Variants in FER1L5 observed in about 807,000 individuals in gnomAD.
FER1L5 encodes the protein fer-1-like protein 5.
In FER1L5, 187 loss-of-function variants were observed where a neutral mutation model predicts 279.9. The observed-to-expected ratio is 0.67, with a 90% confidence interval of 0.59 to 0.75. FER1L5 has a LOEUF of 0.75. Ranked by LOEUF, FER1L5 falls within the 30% of genes least tolerant of loss-of-function variation. The pLI, the probability that FER1L5 is intolerant of heterozygous loss-of-function variation, is 0.00. For missense variants in FER1L5, 2,091 were observed against 2,594.4 expected (o/e 0.81, Z 4.21); for synonymous variants, 921 against 989.7 (o/e 0.93, Z 1.30).
At chr2:96,695,981 C>T (rs2077361875) in intron 36 of FER1L5, 71 bp from the exon 37 acceptor site, 4 of 1,605,278 alleles carry the variant, frequency 2.5e-6, no homozygotes, top group African/African-American at 1.3e-5. Context: ...CCCTGCTACC[C>T]CGTGGGGTTG....
chr2:96,675,001 T>C (rs1373206355), intron 19 of FER1L5, among the ~76,000 whole-genome samples: 1 of 152,214 alleles, frequency 6.6e-6, no homozygotes, highest in African/African-American at 2.4e-5. Context: ...TCTTCACCTG[T>C]GAATGAAATC....
intron 9 of FER1L5, among the ~76,000 whole-genome samples, chr2:96,658,627 A>G (rs1420209846): frequency 6.6e-6 from 1 of 152,180 alleles, no homozygotes; most frequent in African/African-American, 2.4e-5. Flanking sequence ...GCCACTGTAC[A>G]TGCCCACCAG....
chr2:96,668,938 C>T lies in FER1L5; in HGVS notation c.1237C>T (p.Gln413Ter). 2 of 1,551,626 alleles carry T rather than the reference C, an allele frequency of 1.3e-6. No homozygotes were observed. The highest frequency in any genetic ancestry group is 1.7e-6 in the Non-Finnish European group (2 of 1,146,950). Residue 413 changes from glutamine (Q) to a stop codon, truncating the protein, a stop_gained, in exon 16 of 53, where the codon CAG becomes TAG. Transcript: ENST00000624922. LOFTEE classifies it high-confidence loss of function. Reference protein sequence around the residue: ...EIGTASLSLNQISSTGEEIEG... With the variant: ...EIGTASLSLN ...TGGGACTGCCAGCCTGTCCCTCAAC[C>T]AGATCTCGTCCACCGGAGAAGAGAT...
chr2:96,698,586 A>G lies in FER1L5; in HGVS notation c.4357-85A>G. On this transcript the variant is annotated intron_variant, in intron 40 of 52. Transcript: ENST00000624922. This position sits in a 1 kb window ranked among gnomAD's most constrained non-coding sequence, Gnocchi z 5.5. ...CCTCAGCCCAACCCTCTCTCTCCTGAACATGGGCTGGGGCACCTCCCAGAG... is the reference window on the plus strand; with the variant it reads ...CCTCAGCCCAACCCTCTCTCTCCTGGACATGGGCTGGGGCACCTCCCAGAG... 1 of 1,186,724 alleles carries G rather than the reference A, an allele frequency of 8.4e-7. No homozygotes were observed. The highest frequency in any genetic ancestry group is 1.2e-6 in the Non-Finnish European group (1 of 833,864). 73.5% of individuals were successfully genotyped at this position (1,186,724 alleles called of 1,614,324 possible).
rs1367170372 is a variant in FER1L5, at chr2:96,691,924, C to T, written c.3175C>T (p.Arg1059Trp). 19 of 1,550,712 alleles carry T rather than the reference C, an allele frequency of 1.2e-5. No individual in the cohort carries two copies. The highest frequency in any genetic ancestry group is 9.8e-5 in the East Asian group (4 of 40,892). ...QFRDPQRQDT[R>W]PPNLPFIYCT... The stretch of plus-strand genomic sequence containing the variant: ...CAGGGACCCCCAGAGGCAGGACACC[C>T]GGCCCCCCAACTTGCCCTTCATCTA... The change falls in exon 30 of 53, where the codon CGG becomes TGG. Residue 1059 changes from arginine (R) to tryptophan (W), a missense_variant. Transcript: ENST00000624922. The surrounding 1 kb of genome is among the most constrained non-coding windows in gnomAD (Gnocchi z 6.0).
chr2:96,661,843 G>T, intron 12 of FER1L5, 52 bp downstream of exon 12: 2 of 1,547,434 alleles, frequency 1.3e-6, no homozygotes, highest in Non-Finnish European at 1.7e-6. Context: ...CCTACACGGT[G>T]ATACCCTGGA....
intron 9 of FER1L5, among the ~76,000 whole-genome samples, chr2:96,659,428 T>TCGACAGAGTCTCG (rs1250121476): frequency 7.0e-5 from 1 of 14,330 alleles, no homozygotes; most frequent in East Asian, 1.6e-3. Flanking sequence ...TTTCTTTCTT[T>TCGACAGAGTCTCG]CTTTCTTTCT....
chr2:96,694,078 G>A lies in FER1L5; in HGVS notation c.3636+6G>A. Reference sequence around the variant, plus strand: ...AGCTGATCCTCCAGACTGAGGTATTGGGAGAGAGGGCCTGGCTGGGAAGTG... The same window carrying A: ...AGCTGATCCTCCAGACTGAGGTATTAGGAGAGAGGGCCTGGCTGGGAAGTG... On this transcript the variant is annotated splice_donor_region_variant and intron_variant, in intron 33 of 52. Transcript: ENST00000624922. This position sits in a 1 kb window ranked among gnomAD's most constrained non-coding sequence, Gnocchi z 4.6. The A allele has an allele frequency of 6.5e-7, 1 of 1,538,410 alleles. No individual in the cohort carries two copies. Among genetic ancestry groups the A allele is most frequent in the South Asian group, 1.2e-5 (1 of 83,674 alleles).
At chr2:96,659,531 G>A (rs1033674922) in intron 9 of FER1L5, among the ~76,000 whole-genome samples, 44 of 131,134 alleles carry the variant, frequency 3.4e-4, no homozygotes, top group Non-Finnish European at 4.8e-4. Context: ...TCGCTCTGTC[G>A]CCCAGGCTGG....
chr2:96,687,903 C>G lies in FER1L5; in HGVS notation c.2317C>G (p.Leu773Val), dbSNP rs2076991361. 2 of 1,551,000 alleles carry G rather than the reference C, an allele frequency of 1.3e-6. No homozygotes were observed. The highest frequency in any genetic ancestry group is 2.7e-5 in the African/African-American group (2 of 73,056). Residue 773 changes from leucine to valine, a missense_variant, in exon 24 of 53, where the codon CTG becomes GTG. Leu to Val is a conservative substitution (Grantham distance 32). Transcript: ENST00000624922. ...WLGNVTDSKD[L>V]QLLRQGDTAV... ...TGGCAATGTCACAGACAGCAAGGAC[C>G]TGCAGCTGCTCCGCCAGGGTGACAC...
At position 96,702,850 on chromosome 2, in the gene FER1L5, G is replaced by C; in HGVS notation, c.5397+109G>C. ...GCTTGCAATCTGTCCCAGAACATCAGAAACATGTCCTCAGGTGGAAACCCT... is the reference window on the plus strand; with the variant it reads ...GCTTGCAATCTGTCCCAGAACATCACAAACATGTCCTCAGGTGGAAACCCT... On this transcript the variant is annotated intron_variant, in intron 48 of 52. Coordinates refer to ENST00000624922, the MANE Select transcript of FER1L5 (RefSeq NM_001293083.2). This position sits in a 1 kb window ranked among gnomAD's most constrained non-coding sequence, Gnocchi z 4.0. 6.5e-7 allele frequency: 1 copy of C among 1,539,182 alleles called. No individual in the cohort carries two copies. Among genetic ancestry groups the C allele is most frequent in the Non-Finnish European group, 8.8e-7 (1 of 1,138,692 alleles).
intron 14 of FER1L5, among the ~76,000 whole-genome samples, chr2:96,664,113 A>C (rs1194772659): frequency 6.6e-6 from 1 of 151,498 alleles, no homozygotes; most frequent in Non-Finnish European, 1.5e-5. Flanking sequence ...ACTCAGTCTC[A>C]GGAAAATATA....
chr2:96,669,287 C>T (rs1055279923), intron 17 of FER1L5, 150 bp downstream of exon 17: 7 of 725,380 alleles, frequency 9.7e-6, no homozygotes, highest in African/African-American at 7.1e-5. Context: ...TGAGCAGCCA[C>T]GTGCATGTGG....
chr2:96,652,367 C>T, intron 7 of FER1L5: 1 of 289,664 alleles, frequency 3.5e-6, no homozygotes, highest in Non-Finnish European at 6.8e-6. Context: ...AATTGTAGCA[C>T]TGTGCCTGAT....
Position 96,685,954 on chromosome 2 carries a change from G to A in FER1L5, c.1910G>A (p.Cys637Tyr), listed in dbSNP as rs2076908197. The change falls in exon 22 of 53, where the codon TGC (cysteine) becomes TAC (tyrosine). Residue 637 changes from cysteine to tyrosine, a missense_variant. Cys to Tyr is a radical substitution (Grantham distance 194). Transcript: ENST00000624922. ...CCTGGCCACAGGCGCCCTCTGCCCT[G>A]CATGACCTATCAGCCCAAAGCCACC... ...LAEDCKRPLPCMTYQPKATSL... is the reference protein window; with the variant it reads ...LAEDCKRPLPYMTYQPKATSL... The A allele has an allele frequency of 3.9e-6, 6 of 1,545,314 alleles. No homozygotes were observed. Among genetic ancestry groups the A allele is most frequent in the Non-Finnish European group, 5.2e-6 (6 of 1,143,834 alleles).
chr2:96,703,976 C>G (rs552916067), intron 51 of FER1L5, among the ~76,000 whole-genome samples: 2 of 151,902 alleles, frequency 1.3e-5, no homozygotes, highest in South Asian at 4.2e-4. Context: ...CCACCATGCC[C>G]GGCTAATTTT....
intron 9 of FER1L5, among the ~76,000 whole-genome samples, chr2:96,659,424 T>C (rs1297912317): frequency 0.018 from 195 of 10,630 alleles, no homozygotes; most frequent in Non-Finnish European, 0.025. Context: ...TTTCTTTCTT[T>C]CTTTCTTTCT....
chr2:96,694,123 C>G lies in FER1L5; in HGVS notation c.3636+51C>G. 6.7e-7 allele frequency: 1 copy of G among 1,496,706 alleles called. No individual in the cohort carries two copies. The highest frequency in any genetic ancestry group is 8.9e-7 in the Non-Finnish European group (1 of 1,125,686). 92.7% of individuals were successfully genotyped at this position (1,496,706 alleles called of 1,614,324 possible). ...GAAGTGTGGCACTCAGTGCCCCTCC[C>G]CGTCCCACCCCCAGCCAGCGGGGGC... On this transcript the variant is annotated intron_variant, in intron 33 of 52. Coordinates refer to ENST00000624922, the MANE Select transcript of FER1L5 (RefSeq NM_001293083.2). This position sits in a 1 kb window ranked among gnomAD's most constrained non-coding sequence, Gnocchi z 4.6.
In FER1L5 at chr2:96,702,138, T is replaced by C. The variant is rs2077606715; in HGVS notation, c.5159+95T>C. The C allele has an allele frequency of 1.9e-6, 3 of 1,570,644 alleles. No individual in the cohort carries two copies. Among genetic ancestry groups the C allele is most frequent in the African/African-American group, 2.7e-5 (2 of 73,228 alleles). Reference sequence around the variant, plus strand: ...GTCCTCAGGTACTGAGCTGCAGTAATTCGTTTCTCTATTGGGAAGAGAGGA... The same window carrying C: ...GTCCTCAGGTACTGAGCTGCAGTAACTCGTTTCTCTATTGGGAAGAGAGGA... On this transcript the variant is annotated intron_variant, in intron 46 of 52. Coordinates refer to ENST00000624922, the MANE Select transcript of FER1L5 (RefSeq NM_001293083.2). The surrounding 1 kb of genome is among the most constrained non-coding windows in gnomAD (Gnocchi z 4.0).
Sources: allele counts gnomAD v4.1 joint callset (sites outside exome capture counted in the v4.1 genomes callset), GRCh38; gene constraint gnomAD v4.1.1; non-coding constraint Gnocchi (gnomAD v3.1); transcripts MANE v1.5; gene names NCBI Gene and HGNC (gene_info 2026-07-23, HGNC 2026-07-21).